TF: variants seen among roughly 807,000 people sequenced by gnomAD.
The protein encoded by TF is serotransferrin.
TF carries 55 observed loss-of-function variants against 82.4 expected under a neutral mutation model. The ratio of observed to expected loss-of-function variants is 0.67; its 90% confidence interval spans 0.54 to 0.84. TF has a LOEUF of 0.84. Among genes scored for constraint, TF ranks in the 40% least tolerant of loss-of-function variants. The probability of loss-of-function intolerance (pLI) is 0.00; values close to 1 mark genes in which losing one functional copy is unlikely to be tolerated. For missense variants in TF, 737 were observed against 868.4 expected, an observed-to-expected ratio of 0.85 and a Z score of 1.90; for synonymous variants, 332 against 332.6, an observed-to-expected ratio of 1.00 and a Z score of 0.02.
the TF span, among the ~76,000 whole-genome samples, chr3:133,714,778 G>A: frequency 3.3e-5 from 5 of 152,100 alleles, no homozygotes; most frequent in African/African-American, 1.2e-4. Flanking sequence ...CGCCTCCTGG[G>A]TTGAAGCAGT....
At chr3:133,765,006 A>C in intron 11 of TF, 99 bp downstream of exon 11, 2 of 1,230,630 alleles carry the variant, frequency 1.6e-6, no homozygotes, top group South Asian at 1.2e-5. Flanking sequence ...GTGCTGTAAG[A>C]GACCAATTTT....
intron 9 of TF, among the ~76,000 whole-genome samples, chr3:133,763,857 A>G (rs1223203720): frequency 6.6e-6 from 1 of 152,216 alleles, no homozygotes; most frequent in Non-Finnish European, 1.5e-5. Context: ...TGCACGTGAG[A>G]ATTCTTGGTG....
At chr3:133,708,150 C>T in the TF span, among the ~76,000 whole-genome samples, 1 of 151,850 alleles carries the variant, frequency 6.6e-6, no homozygotes, top group Non-Finnish European at 1.5e-5. Flanking sequence ...AAATGGGCCA[C>T]AATAAAAATA....
At chr3:133,675,177 GGAGGTTGCAGTGA>G in the TF span, among the ~76,000 whole-genome samples, 1 of 149,974 alleles carries the variant, frequency 6.7e-6, no homozygotes, top group Non-Finnish European at 1.5e-5. Flanking sequence ...CCCAGGAGAG[GGAGGTTGCAGTGA>G]GCCGAGATCA....
chr3:133,748,449 G>A lies in TF; in HGVS notation c.81G>A (p.Trp27Ter), dbSNP rs1446465519. Residue 27 changes from tryptophan (W) to a stop codon, truncating the protein, a stop_gained, in exon 2 of 17, where the codon TGG becomes TGA. Coordinates refer to ENST00000402696, the MANE Select transcript of TF (RefSeq NM_001063.4). LOFTEE classifies it high-confidence loss of function. ...CLAVPDKTVR[W>*]CAVSEHEATK... ...CTGTCCCTGATAAAACTGTGAGATG[G>A]TGTGCAGTGTCGGAGCATGAGGCCA... 2 of 1,614,042 alleles carry A rather than the reference G, an allele frequency of 1.2e-6. No individual in the cohort carries two copies. The highest frequency in any genetic ancestry group is 1.7e-6 in the Non-Finnish European group (2 of 1,180,044).
At chr3:133,727,274 T>G in the TF span, among the ~76,000 whole-genome samples, 1 of 151,954 alleles carries the variant, frequency 6.6e-6, no homozygotes, top group African/African-American at 2.4e-5. Flanking sequence ...CTCCCATTAT[T>G]ATTGTGTGGG....
At chr3:133,749,608 A>C (rs1477662024) in intron 2 of TF, among the ~76,000 whole-genome samples, 2 of 152,216 alleles carry the variant, frequency 1.3e-5, no homozygotes, top group Non-Finnish European at 2.9e-5. Flanking sequence ...GATGTAATGA[A>C]GGACTGAGCC....
At chr3:133,684,214 G>A in the TF span, among the ~76,000 whole-genome samples, 86 of 152,276 alleles carry the variant, frequency 5.6e-4, no homozygotes, top group Middle Eastern at 3.4e-3. Context: ...TGTGTAGAGG[G>A]AAATTTGTAG....
chr3:133,673,173 G>A, the TF span, among the ~76,000 whole-genome samples: 2 of 152,160 alleles, frequency 1.3e-5, no homozygotes, highest in Non-Finnish European at 2.9e-5. Flanking sequence ...CTAAGTGCAC[G>A]AAAAGACATG....
the TF span, among the ~76,000 whole-genome samples, chr3:133,706,164 C>G: frequency 6.6e-6 from 1 of 152,212 alleles, no homozygotes; most frequent in South Asian, 2.1e-4. Context: ...TGCGCCTGAG[C>G]ACATGCTGCC....
the TF span, among the ~76,000 whole-genome samples, chr3:133,711,927 C>A: frequency 1.3e-5 from 2 of 152,040 alleles, no homozygotes; most frequent in Non-Finnish European, 2.9e-5. Context: ...GCCTCCACCC[C>A]ACCCCAACAC....
chr3:133,723,113 G>A, the TF span, among the ~76,000 whole-genome samples: 1 of 151,918 alleles, frequency 6.6e-6, no homozygotes, highest in Admixed American at 6.6e-5. Context: ...ATTCTCTCCT[G>A]GTCTGCAAAG....
chr3:133,692,229 G>C, the TF span, among the ~76,000 whole-genome samples: 2 of 152,200 alleles, frequency 1.3e-5, no homozygotes, highest in African/African-American at 4.8e-5. Flanking sequence ...TTATGGTGAG[G>C]AGAGGTTTGG....
the TF span, among the ~76,000 whole-genome samples, chr3:133,671,808 AAAGAAG>A: frequency 6.6e-6 from 1 of 151,400 alleles, no homozygotes; most frequent in Non-Finnish European, 1.5e-5. Context: ...AAAAAAAAAA[AAAGAAG>A]AAGAAGAAAA....
rs1799830 is a variant in TF at position 133,754,593 on chromosome 3, G to A, written c.424G>A (p.Gly142Ser). The A allele has an allele frequency of 2.2e-5, 35 of 1,614,122 alleles. No homozygotes were observed. Among genetic ancestry groups the A allele is most frequent in the Non-Finnish European group, 2.8e-5 (33 of 1,180,050 alleles). ...RGKKSCHTGL[G>S]RSAGWNIPIG... Reference sequence around the variant, plus strand: ...CAAGAAGTCCTGCCACACGGGTCTAGGCAGGTCCGCTGGGTGGAACATCCC... The same window carrying A: ...CAAGAAGTCCTGCCACACGGGTCTAAGCAGGTCCGCTGGGTGGAACATCCC... Residue 142 changes from glycine (G) to serine (S), a missense_variant, in exon 4 of 17, where the codon GGC becomes AGC. Coordinates refer to ENST00000402696, the MANE Select transcript of TF (RefSeq NM_001063.4).
At chr3:133,743,039 C>T (rs1029471485), upstream of TF, among the ~76,000 whole-genome samples, 2 of 152,058 alleles carry the variant, frequency 1.3e-5, no homozygotes, top group African/African-American at 4.8e-5. Context: ...CCTCTCTTTC[C>T]TCCCCCACTA....
chr3:133,672,663 C>G, the TF span, among the ~76,000 whole-genome samples: 2 of 148,958 alleles, frequency 1.3e-5, no homozygotes, highest in South Asian at 4.3e-4. Context: ...GGAGGTGGAG[C>G]CTTCACTGAA....
chr3:133,684,955 G>A, the TF span, among the ~76,000 whole-genome samples: 4 of 152,224 alleles, frequency 2.6e-5, no homozygotes, highest in South Asian at 2.1e-4. Flanking sequence ...AAAATCCTCA[G>A]TAAAATACTG....
rs757604265 is a variant in TF, at chr3:133,756,350, C to G, written c.691+13C>G. ...TCGACTATATTTGGTAAGAATGGGA[C>G]AAGAATCCACCAGGGCCACTCCAAG... is the stretch of plus-strand genomic sequence containing the variant. On this transcript the variant is annotated intron_variant, in intron 6 of 16. Transcript: ENST00000402696. 2.5e-6 allele frequency: 4 copies of G among 1,613,724 alleles called. No individual in the cohort carries two copies. The Admixed American group carries it at 6.7e-5, about 27-fold the overall frequency.
Sources: gnomAD v4.1 joint callset for allele counts (sites outside exome capture counted in the v4.1 genomes callset) on GRCh38, gnomAD v4.1.1 for gene constraint, MANE v1.5 for transcripts, NCBI Gene and HGNC (gene_info 2026-07-23, HGNC 2026-07-21) for gene names.